Variants in CEACAM4 observed in about 807,000 individuals in gnomAD.
The protein encoded by CEACAM4 is CEA cell adhesion molecule 4.
Under a neutral mutation model 28.7 loss-of-function variants are expected in CEACAM4, and 30 were observed. The ratio of observed to expected loss-of-function variants is 1.05; its 90% CI spans 0.78 to 1.42. The LOEUF (loss-of-function observed/expected upper bound fraction) is 1.42. Among genes scored for constraint, CEACAM4 ranks in the 40% most tolerant of loss-of-function variants. The probability of loss-of-function intolerance (pLI) is 0.00; values close to 1 mark genes in which losing one functional copy is unlikely to be tolerated. For missense variants in CEACAM4, 330 were observed against 308.2 expected, an observed-to-expected ratio of 1.07 and a Z score of -0.53; for synonymous variants, 143 against 126.5, an observed-to-expected ratio of 1.13 and a Z score of -0.87.
chr19:41,616,487 T>TGATAGATA (rs35437530), downstream of CEACAM4, among the ~76,000 whole-genome samples: 156 of 146,568 alleles, frequency 1.1e-3, no homozygotes, highest in Middle Eastern at 3.5e-3. Flanking sequence ...TATAGATAGA[T>TGATAGATA]GATAGATAGA....
chr19:41,620,316 T>C lies in CEACAM4; in HGVS notation c.596-74A>G, dbSNP rs894032593. 6.2e-6 allele frequency: 8 copies of C among 1,280,988 alleles called. No homozygotes were observed. In the Admixed American group the frequency reaches 1.0e-4, roughly 16 times the overall value. The allele number at this position is 1,280,988 out of a possible 1,614,324, so 79.4% of individuals were successfully genotyped here. ...CCCCTCCTGCAGGAGAGTGTAGGGG[T>C]CCTCAGCTCCCAGAGAATCAGGGAG... is the stretch of plus-strand genomic sequence containing the variant. On this transcript the variant is annotated intron_variant, in intron 4 of 6. Transcript: ENST00000221954.
chr19:41,626,952 G>A lies in CEACAM4; in HGVS notation c.12C>T (p.Pro4=), dbSNP rs144781407. Residue 4 remains proline, a synonymous_variant, in exon 1 of 7, where the codon CCC becomes CCT. Coordinates refer to ENST00000221954, the MANE Select transcript of CEACAM4 (RefSeq NM_001817.4). ...TGTGCCCTCCACGGGGAGCGGCTGA[G>A]GGGGGGCCCATGGTCTCTGCTGCCT... MGP[P]SAAPRGGHRP... 6.2e-6 allele frequency: 10 copies of A among 1,601,928 alleles called. No individual in the cohort carries two copies. The highest frequency in any genetic ancestry group is 3.4e-5 in the Admixed American group (2 of 58,462).
At chr19:41,618,586 G>C, downstream of CEACAM4, among the ~76,000 whole-genome samples, 1 of 152,130 alleles carries the variant, frequency 6.6e-6, no homozygotes, top group Non-Finnish European at 1.5e-5. Context: ...CCAGGGCCTG[G>C]GTGAAGAGGG....
chr19:41,627,024 A>T lies in CEACAM4; in HGVS notation c.-61T>A. On this transcript the variant is annotated 5_prime_UTR_variant, in exon 1 of 7. Transcript: ENST00000221954. ...GCTGGGCTCCAGGAACGCTCTTGTCAGAGCTGCTGTGACTGTCGGCTGTCG... is the reference window on the plus strand; with the variant it reads ...GCTGGGCTCCAGGAACGCTCTTGTCTGAGCTGCTGTGACTGTCGGCTGTCG... 2 of 1,461,516 alleles carry T rather than the reference A, an allele frequency of 1.4e-6. No individual in the cohort carries two copies. Among genetic ancestry groups the T allele is most frequent in the South Asian group, 1.2e-5 (1 of 80,036 alleles). The allele number at this position is 1,461,516 out of a possible 1,614,324, so 90.5% of individuals were successfully genotyped here.
intron 1 of CEACAM4, among the ~76,000 whole-genome samples, chr19:41,626,690 A>G (rs1284450568): frequency 2.0e-5 from 3 of 152,142 alleles, no homozygotes; most frequent in African/African-American, 7.2e-5. Flanking sequence ...CCTGCCTTTT[A>G]CCAATTCCAG....
chr19:41,625,528 C>T, intron 2 of CEACAM4, 73 bp downstream of exon 2: 4 of 1,521,336 alleles, frequency 2.6e-6, no homozygotes, highest in Non-Finnish European at 3.5e-6. Context: ...CAGGCACAGC[C>T]CAGGCCTGAC....
At chr19:41,624,569 C>A (rs1363484461) in intron 2 of CEACAM4, among the ~76,000 whole-genome samples, 1 of 152,168 alleles carries the variant, frequency 6.6e-6, no homozygotes, top group African/African-American at 2.4e-5. Context: ...GCTGTAGACA[C>A]CTAAGAAGAA....
intron 2 of CEACAM4, 174 bp downstream of exon 2, chr19:41,625,427 G>T (rs1555803393): frequency 3.8e-6 from 3 of 796,234 alleles, no homozygotes; most frequent in Non-Finnish European, 6.1e-6. Flanking sequence ...ATGCAGGAAA[G>T]GAATTCTGAT....
chr19:41,621,332 C>G (rs1355642941), intron 3 of CEACAM4, among the ~76,000 whole-genome samples: 1 of 152,142 alleles, frequency 6.6e-6, no homozygotes, highest in Non-Finnish European at 1.5e-5. Flanking sequence ...ATTCAATGAA[C>G]AGCAGAAGGT....
chr19:41,620,434 G>A (rs782631367), intron 4 of CEACAM4, 141 bp downstream of exon 4: 37 of 866,284 alleles, frequency 4.3e-5, no homozygotes, highest in African/African-American at 1.9e-4. Context: ...CAAGACAGTC[G>A]GGGTCCCCTG....
intron 3 of CEACAM4, among the ~76,000 whole-genome samples, chr19:41,620,853 TGAG>T (rs1320422509): frequency 1.3e-5 from 2 of 151,002 alleles, no homozygotes; most frequent in Non-Finnish European, 3.0e-5. Context: ...AGATGCCGGG[TGAG>T]GAGAACATTG....
At chr19:41,620,723 T>A in intron 3 of CEACAM4, 96 bp from the exon 4 acceptor site, 2 of 1,010,348 alleles carry the variant, frequency 2.0e-6, no homozygotes, top group Non-Finnish European at 3.1e-6. Context: ...TTTCAAGGAC[T>A]GGAGTGAAGG....
At chr19:41,614,411 C>T (rs782575632), downstream of CEACAM4, among the ~76,000 whole-genome samples, 2 of 152,144 alleles carry the variant, frequency 1.3e-5, no homozygotes, top group African/African-American at 2.4e-5. Flanking sequence ...AGCGTGTGCG[C>T]GTTAAACATG....
intron 2 of CEACAM4, among the ~76,000 whole-genome samples, chr19:41,624,646 G>C (rs1487877166): frequency 6.6e-6 from 1 of 152,222 alleles, no homozygotes; most frequent in Non-Finnish European, 1.5e-5. Context: ...ATGAAGGAGA[G>C]GACGTGGCAG....
chr19:41,624,705 C>T (rs561397371), intron 2 of CEACAM4, among the ~76,000 whole-genome samples: 13 of 152,328 alleles, frequency 8.5e-5, no homozygotes, highest in Admixed American at 2.0e-4. Flanking sequence ...ATCTGCCCAC[C>T]GTGGCCGGTG....
In CEACAM4 at chr19:41,619,155, C is replaced by G; in HGVS notation, c.*175G>C. The G allele has an allele frequency of 1.6e-6, 1 of 617,118 alleles. No individual in the cohort carries two copies. Among genetic ancestry groups the G allele is most frequent in the Non-Finnish European group, 2.9e-6 (1 of 349,022 alleles). The allele number at this position is 617,118 out of a possible 1,614,324, so 38.2% of individuals were successfully genotyped here. On this transcript the variant is annotated 3_prime_UTR_variant, in exon 7 of 7. Transcript: ENST00000221954. Reference sequence around the variant, plus strand: ...CGGCCCACCCAGAGCCCAGGGCAACCTGTCAGGGTCTCCAGATATTCAGCA... The same window carrying G: ...CGGCCCACCCAGAGCCCAGGGCAACGTGTCAGGGTCTCCAGATATTCAGCA...
Position 41,626,885 on chromosome 19 carries a change from G to A in CEACAM4, c.64+15C>T, listed in dbSNP as rs782385073. 1.9e-6 allele frequency: 3 copies of A among 1,610,260 alleles called. No homozygotes were observed. The highest frequency in any genetic ancestry group is 2.5e-6 in the Non-Finnish European group (3 of 1,177,340). On this transcript the variant is annotated intron_variant, in intron 1 of 6. Coordinates refer to ENST00000221954, the MANE Select transcript of CEACAM4 (RefSeq NM_001817.4). ...GCTCCCTCTTCCCACCACTCCCAGA[G>A]AGTCCTCCCCTCACCTGTGATCAGG...
downstream of CEACAM4, among the ~76,000 whole-genome samples, chr19:41,614,929 TA>T (rs376235301): frequency 0.029 from 2,038 of 69,592 alleles, 45 homozygotes; most frequent in South Asian, 0.2. Flanking sequence ...GACGAAGGGA[TA>T]GGGGTGGGGA....
intron 6 of CEACAM4, 38 bp downstream of exon 6, chr19:41,619,632 G>A: frequency 6.3e-7 from 1 of 1,578,638 alleles, no homozygotes; most frequent in East Asian, 2.3e-5. Context: ...GGGTCCCCTG[G>A]AGCCTGCGGG....
Sources: gnomAD v4.1 joint callset for allele counts (sites outside exome capture counted in the v4.1 genomes callset) on GRCh38, gnomAD v4.1.1 for gene constraint, MANE v1.5 for transcripts, NCBI Gene and HGNC (gene_info 2026-07-23, HGNC 2026-07-21) for gene names.